Variants in ARHGAP31 observed in about 807,000 individuals in gnomAD.
The protein encoded by ARHGAP31 is Rho GTPase activating protein 31.
Under a neutral mutation model 113.9 loss-of-function variants are expected in ARHGAP31, and 34 were observed. That is an observed-to-expected ratio of 0.30 (90% CI 0.23 to 0.40). The LOEUF (loss-of-function observed/expected upper bound fraction) is 0.40. Among genes scored for constraint, ARHGAP31 ranks in the 10% least tolerant of loss-of-function variants. The pLI is 1.00. For synonymous variants in ARHGAP31, 650 were observed against 684.8 expected (o/e 0.95, Z 0.79); for missense variants, 1,548 against 1,767.1 (o/e 0.88, Z 2.22).
intron 1 of ARHGAP31, among the ~76,000 whole-genome samples, chr3:119,349,831 T>G (rs1239188438): frequency 6.6e-6 from 1 of 152,234 alleles, no homozygotes; most frequent in African/African-American, 2.4e-5. Flanking sequence ...GAGGCCCTTT[T>G]GCTCAGAAAT....
chr3:119,316,935 C>T (rs2079737337), intron 1 of ARHGAP31, among the ~76,000 whole-genome samples: 1 of 152,214 alleles, frequency 6.6e-6, no homozygotes, highest in African/African-American at 2.4e-5. Flanking sequence ...ACCATTTATC[C>T]CCTATGTCCC....
chr3:119,389,878 C>T (rs1401816876), intron 6 of ARHGAP31, among the ~76,000 whole-genome samples: 1 of 152,224 alleles, frequency 6.6e-6, no homozygotes, highest in African/African-American at 2.4e-5. Flanking sequence ...ACAACCTCAG[C>T]ACTATTGATA....
chr3:119,378,182 C>G (rs6803082), intron 3 of ARHGAP31, among the ~76,000 whole-genome samples: 5,580 of 152,226 alleles, frequency 0.037, 225 homozygotes, highest in African/African-American at 0.098. Flanking sequence ...AATTCTCTCA[C>G]AGGCAAAAAA....
In ARHGAP31 at chr3:119,344,419, G is replaced by A. The variant is rs1478772373; in HGVS notation, c.101-20897G>A. On this transcript the variant is annotated intron_variant, in intron 1 of 11. Coordinates refer to ENST00000264245, the MANE Select transcript of ARHGAP31 (RefSeq NM_020754.4). ...ATCCCAGTCTCTTTGAGGAGACATT[G>A]AGTCAAAGTCCCCACTGTGCAGGGC... is the stretch of plus-strand genomic sequence containing the variant. Among the ~76,000 whole-genome samples, 4 of 152,294 alleles carry A rather than the reference G, an allele frequency of 2.6e-5. No individual in the cohort carries two copies. The East Asian group carries it at 7.7e-4, about 29-fold the overall frequency.
intron 4 of ARHGAP31, among the ~76,000 whole-genome samples, chr3:119,381,695 G>A (rs2080398471): frequency 6.6e-6 from 1 of 152,142 alleles, no homozygotes. Flanking sequence ...TGGCCACTAA[G>A]AGCCTCCAGG....
At chr3:119,396,239 CCA>C (rs752340415) in intron 8 of ARHGAP31, among the ~76,000 whole-genome samples, 2 of 152,162 alleles carry the variant, frequency 1.3e-5, no homozygotes, top group Non-Finnish European at 2.9e-5. Flanking sequence ...TCAGAATCGC[CCA>C]CAGAGTGGAT....
chr3:119,359,953 T>C (rs1249477550), intron 1 of ARHGAP31, among the ~76,000 whole-genome samples: 1 of 152,110 alleles, frequency 6.6e-6, no homozygotes, highest in Non-Finnish European at 1.5e-5. Flanking sequence ...TCTTACCCTC[T>C]TCCCTCAAGT....
At chr3:119,321,679 C>T (rs942564956) in intron 1 of ARHGAP31, among the ~76,000 whole-genome samples, 1 of 152,024 alleles carries the variant, frequency 6.6e-6, no homozygotes, top group Non-Finnish European at 1.5e-5. Context: ...GACGGAGACT[C>T]GCTCTGTTGC....
chr3:119,386,775 A>G (rs777288663), intron 6 of ARHGAP31, among the ~76,000 whole-genome samples: 4 of 152,252 alleles, frequency 2.6e-5, no homozygotes, highest in Non-Finnish European at 5.9e-5. Context: ...AACGATAGGT[A>G]AGGTCACGTG....
intron 3 of ARHGAP31, among the ~76,000 whole-genome samples, chr3:119,372,780 C>G (rs1022033365): frequency 1.3e-5 from 2 of 152,112 alleles, no homozygotes; most frequent in African/African-American, 2.4e-5. Context: ...GTTTTATTGT[C>G]TCTGTTATAC....
At chr3:119,311,257 T>TA (rs1237799329) in intron 1 of ARHGAP31, among the ~76,000 whole-genome samples, 1 of 152,232 alleles carries the variant, frequency 6.6e-6, no homozygotes, top group African/African-American at 2.4e-5. Flanking sequence ...CTCTGTGTAT[T>TA]AGGTGTCTGC....
At position 119,370,315 on chromosome 3, in the gene ARHGAP31, G is replaced by A. The variant is rs1386030693; in HGVS notation, c.348+1799G>A. Among the ~76,000 whole-genome samples the A allele has an allele frequency of 2.0e-5, 3 of 152,128 alleles. No individual in the cohort carries two copies. The South Asian group carries it at 6.2e-4, about 32-fold the overall frequency. ...ATGAAAAATGAAGGAAAGTAGAAAG[G>A]AACCATTGATCTGTCTCCTTAAAGA... On this transcript the variant is annotated intron_variant, in intron 3 of 11. Coordinates refer to ENST00000264245, the MANE Select transcript of ARHGAP31 (RefSeq NM_020754.4).
chr3:119,335,908 C>A (rs1274124145), intron 1 of ARHGAP31, among the ~76,000 whole-genome samples: 1 of 152,204 alleles, frequency 6.6e-6, no homozygotes. Flanking sequence ...AGCGGTAGCT[C>A]AAGCCTGTAA....
intron 1 of ARHGAP31, chr3:119,298,929 C>G (rs2079556414): frequency 4.3e-6 from 1 of 234,462 alleles, no homozygotes; most frequent in Admixed American, 4.0e-5. Flanking sequence ...GAATTGATCT[C>G]GTGAAGCCTG....
chr3:119,420,664 A>C lies in ARHGAP31; in HGVS notation c.*4400A>C, dbSNP rs1269021842. On this transcript the variant is annotated 3_prime_UTR_variant, in exon 12 of 12. Transcript: ENST00000264245. ...CAATGCTTTGCAATAACTTAATGTCATAGTACTTTCTGGCTTATAATTCTG... is the reference window on the plus strand; with the variant it reads ...CAATGCTTTGCAATAACTTAATGTCCTAGTACTTTCTGGCTTATAATTCTG... The C allele has an allele frequency of 6.6e-6, 1 of 152,234 alleles. No homozygotes were observed. The highest frequency in any genetic ancestry group is 2.4e-5 in the African/African-American group (1 of 41,458). 9.4% of individuals were successfully genotyped at this position (152,234 alleles called of 1,614,324 possible). A position where few individuals can be genotyped will look rare whatever the true frequency, so the allele number is the denominator to read the frequency against.
rs2080788924 is a variant in ARHGAP31 at position 119,417,572 on chromosome 3, C to G, written c.*1308C>G. The G allele has an allele frequency of 6.6e-6, 1 of 151,764 alleles. No homozygotes were observed. Among genetic ancestry groups the G allele is most frequent in the South Asian group, 2.1e-4 (1 of 4,794 alleles). 9.4% of individuals were successfully genotyped at this position (151,764 alleles called of 1,614,324 possible). A position where few individuals can be genotyped will look rare whatever the true frequency, so the allele number is the denominator to read the frequency against. On this transcript the variant is annotated 3_prime_UTR_variant, in exon 12 of 12. Transcript: ENST00000264245. ...ACCAGCCTGGGCAACACAGCGAGAC[C>G]CCATCTCTTAAAAAATAACAGACTT...
rs576651656 is a variant in ARHGAP31, at chr3:119,404,107, C to A, written c.1645+1710C>A. On this transcript the variant is annotated intron_variant, in intron 10 of 11. Transcript: ENST00000264245. ...AACGATGTCATGGGCTGGTGTGGGT[C>A]ATGGGCAGCAAGATGTCATGGGCAG... 2.3e-3 allele frequency among the ~76,000 whole-genome samples: 344 copies of A among 152,078 alleles called. 3 individuals are homozygous for A. Among genetic ancestry groups the A allele is most frequent in the Middle Eastern group, 3.4e-3 (1 of 294 alleles).
intron 9 of ARHGAP31, 112 bp downstream of exon 9, chr3:119,399,373 T>A: frequency 2.2e-6 from 2 of 918,158 alleles, no homozygotes; most frequent in Non-Finnish European, 3.5e-6. Flanking sequence ...CACACACAAC[T>A]ACCTAGTCCC....
chr3:119,309,324 T>C (rs746513126), intron 1 of ARHGAP31, among the ~76,000 whole-genome samples: 57 of 152,230 alleles, frequency 3.7e-4, no homozygotes, highest in Non-Finnish European at 7.1e-4. Flanking sequence ...CAGTAATATG[T>C]GTTCAGCCTT....
Sources: allele counts gnomAD v4.1 joint callset (sites outside exome capture counted in the v4.1 genomes callset), GRCh38; gene constraint gnomAD v4.1.1; transcripts MANE v1.5; gene names NCBI Gene and HGNC (gene_info 2026-07-23, HGNC 2026-07-21).